Variants in RUSC2 observed in about 807,000 individuals in gnomAD.
RUSC2 encodes the protein AP-4 complex accessory subunit RUSC2.
Under a neutral mutation model 122.2 loss-of-function variants are expected in RUSC2, and 34 were observed. That is an observed-to-expected ratio of 0.28 (90% CI 0.21 to 0.37). The LOEUF (loss-of-function observed/expected upper bound fraction) is 0.37. Ranked by LOEUF, RUSC2 falls within the 10% of genes least tolerant of loss-of-function variation. The probability of loss-of-function intolerance (pLI) is 1.00; values close to 1 mark genes in which losing one functional copy is unlikely to be tolerated. For missense variants in RUSC2, 1,747 were observed against 1,952.4 expected (o/e 0.89, Z 1.98); for synonymous variants, 784 against 790.0 (o/e 0.99, Z 0.13).
At chr9:35,524,927 C>T (rs1185478725) in intron 1 of RUSC2, among the ~76,000 whole-genome samples, 1 of 150,654 alleles carries the variant, frequency 6.6e-6, no homozygotes, top group African/African-American at 2.4e-5. Flanking sequence ...GCCAAGATCG[C>T]ACCACTGCAC....
chr9:35,543,691 A>G (rs907499595), intron 1 of RUSC2, among the ~76,000 whole-genome samples: 1 of 151,354 alleles, frequency 6.6e-6, no homozygotes, highest in Admixed American at 6.6e-5. Flanking sequence ...CTGGTCTTGA[A>G]CTCTTGACCT....
intron 1 of RUSC2, among the ~76,000 whole-genome samples, chr9:35,515,380 G>C (rs1268164039): frequency 2.0e-5 from 3 of 149,138 alleles, no homozygotes. Context: ...TCAGAGTATA[G>C]AAAAAGGCAG....
Position 35,547,834 on chromosome 9 carries a change from G to A in RUSC2, c.1313G>A (p.Gly438Asp). The stretch of plus-strand genomic sequence containing the variant: ...CCACCAGGCCCTGGCCCAGACCCAG[G>A]CCCCAGCCAGCCCTCTGAGTATTAC... ...SPPPGPGPDP[G>D]PSQPSEYYLF... Residue 438 changes from glycine to aspartate, a missense_variant, in exon 2 of 12, where the codon GGC (glycine) becomes GAC (aspartate). Transcript: ENST00000361226. This position sits in a 1 kb window ranked among gnomAD's most constrained non-coding sequence, Gnocchi z 4.6. The A allele has an allele frequency of 1.2e-6, 2 of 1,614,174 alleles. No individual in the cohort carries two copies. Among genetic ancestry groups the A allele is most frequent in the Non-Finnish European group, 8.5e-7 (1 of 1,180,044 alleles).
In RUSC2 at chr9:35,560,297, C is replaced by T. The variant is rs368954173; in HGVS notation, c.3657C>T (p.Asp1219=). 45 of 1,596,486 alleles carry T rather than the reference C, an allele frequency of 2.8e-5. No homozygotes were observed. In the African/African-American group the frequency reaches 3.8e-4, roughly 13 times the overall value. The change falls in exon 10 of 12, where the codon GAC becomes GAT. Residue 1219 remains aspartate, a synonymous_variant. Transcript: ENST00000361226. ...ARARGQEGPG[D]VDRAAQGERV... ...CCCGGGGCCAGGAGGGCCCTGGAGA[C>T]GTGGACAGGGCAGCCCAAGGGGAGC...
chr9:35,554,742 T>G (rs563275378), intron 2 of RUSC2, among the ~76,000 whole-genome samples: 10 of 92,900 alleles, frequency 1.1e-4, no homozygotes, highest in Admixed American at 2.6e-4. Flanking sequence ...CGTAGAAGTC[T>G]GAACTCAAAA....
chr9:35,549,323 C>T, intron 2 of RUSC2: 1 of 752,978 alleles, frequency 1.3e-6, no homozygotes, highest in Non-Finnish European at 1.6e-6. Context: ...GAGACGGAGT[C>T]TTGCTCTTTC....
intron 1 of RUSC2, among the ~76,000 whole-genome samples, chr9:35,511,601 A>G (rs1275959068): frequency 1.3e-5 from 2 of 152,192 alleles, no homozygotes; most frequent in Non-Finnish European, 2.9e-5. Context: ...TATTTGGTGA[A>G]GATTTCAGTT....
rs2132550795 is a variant in RUSC2 at position 35,546,616 on chromosome 9, G to A, written c.95G>A (p.Gly32Glu). 5 of 1,557,924 alleles carry A rather than the reference G, an allele frequency of 3.2e-6. No individual in the cohort carries two copies. The highest frequency in any genetic ancestry group is 4.3e-6 in the Non-Finnish European group (5 of 1,153,702). ...GTCCCAGACAGGCAGTGCTGTGGAGGGGCAGGTGGAGGTGGTGGGAGCACA... is the reference window on the plus strand; with the variant it reads ...GTCCCAGACAGGCAGTGCTGTGGAGAGGCAGGTGGAGGTGGTGGGAGCACA... ...CQVPDRQCCGGAGGGGGSTRP... is the reference protein window; with the variant it reads ...CQVPDRQCCGEAGGGGGSTRP... Residue 32 changes from glycine to glutamate, a missense_variant, in exon 2 of 12, where the codon GGG (glycine) becomes GAG (glutamate). Transcript: ENST00000361226. The surrounding 1 kb of genome is among the most constrained non-coding windows in gnomAD (Gnocchi z 4.3).
rs561981198 is a variant in RUSC2, at chr9:35,510,973, G to A, written c.-93+20801G>A. 1.8e-4 allele frequency among the ~76,000 whole-genome samples: 27 copies of A among 152,102 alleles called. No homozygotes were observed. The South Asian group carries it at 5.6e-3, about 32-fold the overall frequency. On this transcript the variant is annotated intron_variant, in intron 1 of 11. Coordinates refer to ENST00000361226, the MANE Select transcript of RUSC2 (RefSeq NM_014806.5). The stretch of plus-strand genomic sequence containing the variant: ...CACAGAGTTACTACTTTTTCTGCTG[G>A]AACCTCCCAACATCTACCCAGAGAT...
chr9:35,540,551 G>C (rs1456151245), intron 1 of RUSC2, among the ~76,000 whole-genome samples: 1 of 152,158 alleles, frequency 6.6e-6, no homozygotes, highest in Non-Finnish European at 1.5e-5. Flanking sequence ...CAAGAGCAGG[G>C]AATAATGAGC....
In RUSC2 at chr9:35,558,180, C is replaced by A; in HGVS notation, c.3061-17C>A. On this transcript the variant is annotated splice_polypyrimidine_tract_variant and intron_variant, in intron 6 of 11. Coordinates refer to ENST00000361226, the MANE Select transcript of RUSC2 (RefSeq NM_014806.5). This position sits in a 1 kb window ranked among gnomAD's most constrained non-coding sequence, Gnocchi z 4.3. ...AGGCCTGAGGGGGTTTCCTGCACTT[C>A]CCTACCACACCTACAGGCAAAGCTG... is the stretch of plus-strand genomic sequence containing the variant. 6.2e-7 allele frequency: 1 copy of A among 1,609,126 alleles called. No homozygotes were observed. The highest frequency in any genetic ancestry group is 8.5e-7 in the Non-Finnish European group (1 of 1,178,076).
At chr9:35,536,770 C>T (rs1012864636) in intron 1 of RUSC2, among the ~76,000 whole-genome samples, 3 of 146,918 alleles carry the variant, frequency 2.0e-5, no homozygotes, top group African/African-American at 5.1e-5. Flanking sequence ...GCCAAGATCG[C>T]GCCACTGCAC....
intron 1 of RUSC2, among the ~76,000 whole-genome samples, chr9:35,545,766 T>C (rs1289860703): frequency 6.6e-6 from 1 of 152,170 alleles, no homozygotes; most frequent in East Asian, 1.9e-4. Flanking sequence ...GTCACCCTAA[T>C]GCCCAACTCA....
chr9:35,532,368 A>G (rs1821437218), intron 1 of RUSC2, among the ~76,000 whole-genome samples: 1 of 152,242 alleles, frequency 6.6e-6, no homozygotes, highest in Non-Finnish European at 1.5e-5. Context: ...GTAAATTTGC[A>G]TTTAAATATG....
rs1293670133 is a variant in RUSC2, at chr9:35,546,106, A to AT, written c.-92-324_-92-323insT. ...TTGTGCTAAGGACTGGTCATTGTTT[A>AT]CTGCCAAGGAGAGGGTCCTTGAAAG... On this transcript the variant is annotated intron_variant, in intron 1 of 11. Transcript: ENST00000361226. This position sits in a 1 kb window ranked among gnomAD's most constrained non-coding sequence, Gnocchi z 4.3. Among the ~76,000 whole-genome samples, 1 of 152,104 alleles carries AT rather than the reference A, an allele frequency of 6.6e-6. No homozygotes were observed. The highest frequency in any genetic ancestry group is 1.5e-5 in the Non-Finnish European group (1 of 68,018).
chr9:35,495,049 A>AT (rs1294457090), intron 1 of RUSC2, among the ~76,000 whole-genome samples: 11 of 94,210 alleles, frequency 1.2e-4, no homozygotes, highest in African/African-American at 4.8e-4. Flanking sequence ...TATAGTATAT[A>AT]TAATATATAC....
Position 35,558,593 on chromosome 9 carries a change from C to CCT in RUSC2, c.3341+27_3341+28dup. On this transcript the variant is annotated intron_variant, in intron 8 of 11. Transcript: ENST00000361226. This position sits in a 1 kb window ranked among gnomAD's most constrained non-coding sequence, Gnocchi z 4.3. Reference sequence around the variant, plus strand: ...GTGAGTGCACAGAGCAGCAAGATCCCCTAAACAACTTGCCCTGCCCCCCAC... The same window carrying CCT: ...GTGAGTGCACAGAGCAGCAAGATCCCCTCTAAACAACTTGCCCTGCCCCCCAC... 1 of 1,578,978 alleles carries CCT rather than the reference C, an allele frequency of 6.3e-7. No individual in the cohort carries two copies. Among genetic ancestry groups the CCT allele is most frequent in the Non-Finnish European group, 8.7e-7 (1 of 1,148,214 alleles).
intron 1 of RUSC2, among the ~76,000 whole-genome samples, chr9:35,514,624 T>C (rs58419281): frequency 0.17 from 25,870 of 152,082 alleles, 2,359 homozygotes; most frequent in Admixed American, 0.25. Context: ...ATGTATAAAG[T>C]AGCAATAGAT....
At chr9:35,516,302 A>T (rs141796772) in intron 1 of RUSC2, among the ~76,000 whole-genome samples, 1 of 152,106 alleles carries the variant, frequency 6.6e-6, no homozygotes, top group Non-Finnish European at 1.5e-5. Context: ...CCCTACCCCC[A>T]TGCCTCTCAT....
Sources: gnomAD v4.1 joint callset for allele counts (sites outside exome capture counted in the v4.1 genomes callset) on GRCh38, gnomAD v4.1.1 for gene constraint, Gnocchi (gnomAD v3.1) non-coding constraint, MANE v1.5 for transcripts, NCBI Gene and HGNC (gene_info 2026-07-23, HGNC 2026-07-21) for gene names.